HERC5: variants seen among roughly 807,000 people sequenced by gnomAD.
HERC5 encodes E3 ISG15--protein ligase HERC5.
A neutral mutation model predicts 119.6 loss-of-function variants in HERC5; 99 were observed. The ratio of observed to expected loss-of-function variants is 0.83; its 90% confidence interval spans 0.70 to 0.98. The LOEUF is 0.98. Among genes scored for constraint, HERC5 ranks in the 50% least tolerant of loss-of-function variants. HERC5 has a pLI of 0.00. For synonymous variants in HERC5, 478 were observed against 445.9 expected (o/e 1.07, Z -0.91); for missense variants, 1,267 against 1,241.3 (o/e 1.02, Z -0.31).
chr4:88,494,094 T>G, intron 17 of HERC5, 71 bp from the exon 18 acceptor site: 1 of 910,470 alleles, frequency 1.1e-6, no homozygotes, highest in Non-Finnish European at 1.6e-6. Context: ...AACAAAGATT[T>G]ATTTAATATA....
chr4:88,457,597 G>C lies in HERC5; in HGVS notation c.265+63G>C, dbSNP rs192874229. The C allele has an allele frequency of 4.9e-4, 600 of 1,225,968 alleles. 8 individuals carry two copies. The East Asian group carries it at 0.019, about 39-fold the overall frequency. 75.9% of individuals were successfully genotyped at this position (1,225,968 alleles called of 1,614,324 possible). Reference sequence around the variant, plus strand: ...GAGGGGTGAGGGCTGAGGGCTGTGAGGGGCGGGCAGCCGGGGGTCCGCGCC... The same window carrying C: ...GAGGGGTGAGGGCTGAGGGCTGTGACGGGCGGGCAGCCGGGGGTCCGCGCC... On this transcript the variant is annotated intron_variant, in intron 1 of 22. Coordinates refer to ENST00000264350, the MANE Select transcript of HERC5 (RefSeq NM_016323.4).
At chr4:88,461,661 C>T (rs914136153) in intron 3 of HERC5, among the ~76,000 whole-genome samples, 5 of 152,136 alleles carry the variant, frequency 3.3e-5, no homozygotes, top group African/African-American at 7.2e-5. Context: ...GAAACTGACT[C>T]GTTCAAGAAA....
chr4:88,501,046 TA>T, intron 20 of HERC5, 61 bp downstream of exon 20: 2 of 1,158,870 alleles, frequency 1.7e-6, no homozygotes, highest in Non-Finnish European at 2.5e-6. Context: ...TACTGAGCTC[TA>T]AAAATTCCTT....
rs779139866 is a variant in HERC5 at position 88,459,333 on chromosome 4, G to T, written c.266-14G>T. 6.4e-7 allele frequency: 1 copy of T among 1,552,934 alleles called. No individual in the cohort carries two copies. The highest frequency in any genetic ancestry group is 8.7e-7 in the Non-Finnish European group (1 of 1,156,050). Reference sequence around the variant, plus strand: ...TCAAAGTGACAATAGTTCCTGGTTGGATTTGCTCTGTAGAATGCATTAAAT... The same window carrying T: ...TCAAAGTGACAATAGTTCCTGGTTGTATTTGCTCTGTAGAATGCATTAAAT... On this transcript the variant is annotated splice_polypyrimidine_tract_variant and intron_variant, in intron 1 of 22. Transcript: ENST00000264350.
At chr4:88,499,470 T>C (rs1285903982) in intron 18 of HERC5, among the ~76,000 whole-genome samples, 3 of 152,210 alleles carry the variant, frequency 2.0e-5, no homozygotes, top group Non-Finnish European at 4.4e-5. Context: ...AGGTGTTTCT[T>C]AAGCTTGATG....
rs114087952 is a variant in HERC5 at position 88,473,027 on chromosome 4, G to A, written c.1392+525G>A. 1,379 of 150,230 alleles carry A rather than the reference G, an allele frequency of 9.2e-3. 13 individuals are homozygous for A. The highest frequency in any genetic ancestry group is 0.015 in the Non-Finnish European group (1,040 of 67,546). 9.3% of individuals were successfully genotyped at this position (150,230 alleles called of 1,614,324 possible). A position where few individuals can be genotyped will look rare whatever the true frequency, so the allele number is the denominator to read the frequency against. The stretch of plus-strand genomic sequence containing the variant: ...TCAGCACTGTTACTGCTATCTTTAG[G>A]TTTTCTTTTTGCAGGTGCTCCAAAC... On this transcript the variant is annotated intron_variant, in intron 11 of 22. Coordinates refer to ENST00000264350, the MANE Select transcript of HERC5 (RefSeq NM_016323.4).
At chr4:88,457,618 G>A in intron 1 of HERC5, 84 bp downstream of exon 1, 1 of 1,200,572 alleles carries the variant, frequency 8.3e-7, no homozygotes, top group Non-Finnish European at 1.0e-6. Context: ...CCGGGGGTCC[G>A]CGCCTGAGGG....
intron 11 of HERC5, among the ~76,000 whole-genome samples, chr4:88,474,631 T>C (rs554411797): frequency 1.3e-5 from 2 of 152,332 alleles, no homozygotes; most frequent in East Asian, 1.9e-4. Flanking sequence ...TTTACAGATA[T>C]CACTTAGCCA....
At chr4:88,490,466 T>C (rs759696970) in intron 16 of HERC5, among the ~76,000 whole-genome samples, 30 of 152,178 alleles carry the variant, frequency 2.0e-4, no homozygotes, top group Non-Finnish European at 3.8e-4. Context: ...AAATGGAGTA[T>C]TTTTTATTGG....
intron 13 of HERC5, 83 bp downstream of exon 13, chr4:88,479,590 G>T: frequency 8.6e-7 from 1 of 1,167,788 alleles, no homozygotes; most frequent in Non-Finnish European, 1.2e-6. Flanking sequence ...TCTTTAAGTA[G>T]ACTCGTGTGA....
chr4:88,457,589 G>A (rs1740207200), intron 1 of HERC5, 55 bp downstream of exon 1: 3 of 1,231,088 alleles, frequency 2.4e-6, no homozygotes, highest in Non-Finnish European at 3.0e-6. Flanking sequence ...GAGGGCTGAG[G>A]GCTGTGAGGG....
chr4:88,469,333 C>A, intron 9 of HERC5, 73 bp downstream of exon 9: 1 of 983,794 alleles, frequency 1.0e-6, no homozygotes, highest in Non-Finnish European at 1.6e-6. Flanking sequence ...TTCTGCACAG[C>A]AATATGAGAT....
intron 7 of HERC5, among the ~76,000 whole-genome samples, chr4:88,468,114 A>G (rs547995143): frequency 5.3e-5 from 8 of 152,284 alleles, no homozygotes; most frequent in Non-Finnish European, 1.0e-4. Flanking sequence ...TGTATTATGT[A>G]TATTAAACTG....
intron 18 of HERC5, 53 bp downstream of exon 18, chr4:88,494,384 A>G: frequency 7.0e-7 from 1 of 1,432,966 alleles, no homozygotes; most frequent in East Asian, 2.4e-5. Flanking sequence ...TATTTAGGCA[A>G]ATATTTAAGT....
Position 88,457,170 on chromosome 4 carries a change from C to CGCG in HERC5, c.-100_-99insGCG. 2.4e-6 allele frequency: 3 copies of CGCG among 1,235,882 alleles called. No homozygotes were observed. Among genetic ancestry groups the CGCG allele is most frequent in the Non-Finnish European group, 3.0e-6 (3 of 989,312 alleles). The allele number at this position is 1,235,882 out of a possible 1,614,324, so 76.6% of individuals were successfully genotyped here. ...GCCACGCAGCTGCGCGCAGCTGGTT[C>CGCG]CCGCTCTGCAGCGCAACGCCTGAGG... On this transcript the variant is annotated 5_prime_UTR_variant, in exon 1 of 23. Coordinates refer to ENST00000264350, the MANE Select transcript of HERC5 (RefSeq NM_016323.4).
intron 13 of HERC5, among the ~76,000 whole-genome samples, chr4:88,481,242 G>A (rs1741266288): frequency 6.6e-6 from 1 of 152,094 alleles, no homozygotes; most frequent in African/African-American, 2.4e-5. Context: ...TTGTAGAGAT[G>A]GGGTTTCGCC....
At chr4:88,497,327 C>G (rs1741827771) in intron 18 of HERC5, among the ~76,000 whole-genome samples, 1 of 152,116 alleles carries the variant, frequency 6.6e-6, no homozygotes, top group Non-Finnish European at 1.5e-5. Context: ...CCTTGGTCTT[C>G]TTAGAGATTA....
At chr4:88,497,614 G>A (rs1741835431) in intron 18 of HERC5, among the ~76,000 whole-genome samples, 1 of 152,170 alleles carries the variant, frequency 6.6e-6, no homozygotes, top group African/African-American at 2.4e-5. Context: ...ATACCAAAAT[G>A]CAAGCAGGGA....
At chr4:88,498,381 C>G (rs935385181) in intron 18 of HERC5, among the ~76,000 whole-genome samples, 8 of 152,146 alleles carry the variant, frequency 5.3e-5, no homozygotes, top group African/African-American at 1.9e-4. Flanking sequence ...AACTTAGGAG[C>G]CCAACCCCAA....
Sources: allele counts gnomAD v4.1 joint callset (sites outside exome capture counted in the v4.1 genomes callset), GRCh38; gene constraint gnomAD v4.1.1; transcripts MANE v1.5; gene names NCBI Gene and HGNC (gene_info 2026-07-23, HGNC 2026-07-21).